Variants in ADGRL3 observed in about 807,000 individuals in gnomAD.
ADGRL3 encodes calcium-independent alpha-latrotoxin receptor 3.
A neutral mutation model predicts 153.5 loss-of-function variants in ADGRL3; 62 were observed. The observed-to-expected ratio is 0.40, with a 90% CI of 0.33 to 0.50. The LOEUF (loss-of-function observed/expected upper bound fraction) is 0.50. Ranked by LOEUF, ADGRL3 falls within the 20% of genes least tolerant of loss-of-function variation. The pLI, the probability that ADGRL3 is intolerant of heterozygous loss-of-function variation, is 0.47. For missense variants in ADGRL3, 1,641 were observed against 1,859.4 expected (o/e 0.88, Z 2.16); for synonymous variants, 710 against 672.5 (o/e 1.06, Z -0.86).
chr4:61,315,109 T>C (rs917816441), intron 1 of ADGRL3, among the ~76,000 whole-genome samples: 3 of 152,222 alleles, frequency 2.0e-5, no homozygotes, highest in Admixed American at 6.5e-5. Flanking sequence ...GAATAAGAGA[T>C]AGTGAAATTT....
chr4:61,366,112 A>C (rs953743820), intron 1 of ADGRL3, among the ~76,000 whole-genome samples: 1 of 150,228 alleles, frequency 6.7e-6, no homozygotes, highest in African/African-American at 2.4e-5. Context: ...GTTTTAGGGA[A>C]AATTTCTGGC....
chr4:61,223,542 G>A (rs1577901928), intron 1 of ADGRL3, among the ~76,000 whole-genome samples: 2 of 152,160 alleles, frequency 1.3e-5, no homozygotes, highest in South Asian at 2.1e-4. Flanking sequence ...GGTGTGTGTC[G>A]GTCAAATGCC....
Position 61,419,214 on chromosome 4 carries a change from T to A in ADGRL3, c.-174+36025T>A, listed in dbSNP as rs11947948. On this transcript the variant is annotated intron_variant, in intron 2 of 26. Transcript: ENST00000683033. Reference sequence around the variant, plus strand: ...AATGAAACCAATTTTACTATATGCTTATTAATGGAAGTGAGTTAAGTTCCT... The same window carrying A: ...AATGAAACCAATTTTACTATATGCTAATTAATGGAAGTGAGTTAAGTTCCT... Among the ~76,000 whole-genome samples, 1,323 of 150,986 alleles carry A rather than the reference T, an allele frequency of 8.8e-3. 99 individuals are homozygous for A. Among genetic ancestry groups the A allele is most frequent in the African/African-American group, 0.031 (1,246 of 40,784 alleles).
At chr4:61,288,074 A>C (rs1050251966) in intron 1 of ADGRL3, among the ~76,000 whole-genome samples, 7 of 151,946 alleles carry the variant, frequency 4.6e-5, no homozygotes, top group Admixed American at 4.6e-4. Flanking sequence ...ACAGTATCTA[A>C]TACAATTCTT....
At chr4:61,948,026 G>T (rs2098932659) in intron 16 of ADGRL3, 74 bp from the exon 17 acceptor site, 1 of 1,254,556 alleles carries the variant, frequency 8.0e-7, no homozygotes, top group Non-Finnish European at 1.1e-6. Flanking sequence ...TGTATTATAT[G>T]TAAAGAAAAT....
At chr4:61,461,127 C>T (rs570692151) in intron 2 of ADGRL3, among the ~76,000 whole-genome samples, 24 of 152,118 alleles carry the variant, frequency 1.6e-4, no homozygotes, top group East Asian at 7.8e-4. Context: ...TTCATTACCA[C>T]GAGAACAGTA....
intron 1 of ADGRL3, among the ~76,000 whole-genome samples, chr4:61,362,626 A>G (rs781425555): frequency 6.6e-6 from 1 of 152,164 alleles, no homozygotes; most frequent in Non-Finnish European, 1.5e-5. Flanking sequence ...TGAAAGAGAT[A>G]ATAAATGTAC....
chr4:61,416,930 A>C, intron 2 of ADGRL3, among the ~76,000 whole-genome samples: 1 of 152,150 alleles, frequency 6.6e-6, no homozygotes, highest in Non-Finnish European at 1.5e-5. Flanking sequence ...CTGAAACTAC[A>C]TGGTCCCATC....
chr4:61,514,645 G>A (rs1167220164), intron 3 of ADGRL3, among the ~76,000 whole-genome samples: 3 of 152,066 alleles, frequency 2.0e-5, no homozygotes, highest in Non-Finnish European at 2.9e-5. Flanking sequence ...TTAAATGAGT[G>A]TATGAACTAC....
intron 9 of ADGRL3, among the ~76,000 whole-genome samples, chr4:61,876,688 A>G (rs1197001620): frequency 6.6e-6 from 1 of 151,966 alleles, no homozygotes; most frequent in South Asian, 2.1e-4. Context: ...GAAGAAGACA[A>G]TAGTGAGTTT....
chr4:61,774,436 G>A (rs868576008), intron 8 of ADGRL3, among the ~76,000 whole-genome samples: 7 of 150,272 alleles, frequency 4.7e-5, no homozygotes, highest in South Asian at 4.3e-4. Context: ...AAAATAATAC[G>A]ATTTTTTAGA....
At chr4:61,724,615 A>C (rs1169167376) in intron 6 of ADGRL3, among the ~76,000 whole-genome samples, 3 of 152,202 alleles carry the variant, frequency 2.0e-5, no homozygotes, top group Non-Finnish European at 4.4e-5. Flanking sequence ...TCAGTGATGC[A>C]TGGGTATTAT....
chr4:61,447,799 T>C (rs562943697), intron 2 of ADGRL3, among the ~76,000 whole-genome samples: 53 of 152,336 alleles, frequency 3.5e-4, no homozygotes, highest in African/African-American at 1.1e-3. Context: ...CCAAACAGTT[T>C]AAGTCCATTC....
intron 2 of ADGRL3, among the ~76,000 whole-genome samples, chr4:61,440,837 A>G (rs773734341): frequency 4.6e-5 from 7 of 152,214 alleles, no homozygotes; most frequent in Non-Finnish European, 1.0e-4. Flanking sequence ...CAACAATAAT[A>G]ACAGAATTAC....
chr4:61,465,781 T>C (rs2097874476), intron 2 of ADGRL3, among the ~76,000 whole-genome samples: 2 of 40,960 alleles, frequency 4.9e-5, no homozygotes, highest in African/African-American at 1.0e-4. Context: ...ATATATATCT[T>C]ATATGGAATA....
chr4:61,237,683 T>A (rs1424574356), intron 1 of ADGRL3, among the ~76,000 whole-genome samples: 3 of 152,190 alleles, frequency 2.0e-5, no homozygotes, highest in Non-Finnish European at 2.9e-5. Flanking sequence ...TCTTCTGCAG[T>A]TATTAGTATT....
chr4:61,395,967 G>A (rs1223301376), intron 2 of ADGRL3, among the ~76,000 whole-genome samples: 2 of 151,770 alleles, frequency 1.3e-5, no homozygotes, highest in Non-Finnish European at 1.5e-5. Context: ...AATAATGAAT[G>A]AATGGAGTCT....
intron 6 of ADGRL3, among the ~76,000 whole-genome samples, chr4:61,690,817 T>C (rs975508532): frequency 3.9e-5 from 6 of 152,272 alleles, no homozygotes; most frequent in Admixed American, 3.9e-4. Context: ...TTTGGTCTTG[T>C]CCTGCTCTGT....
intron 3 of ADGRL3, among the ~76,000 whole-genome samples, chr4:61,503,870 T>C (rs553834429): frequency 2.0e-5 from 3 of 151,284 alleles, no homozygotes; most frequent in South Asian, 4.1e-4. Context: ...CCATTTTTCA[T>C]TTTTTTGTTT....
Sources: gnomAD v4.1 joint callset for allele counts (sites outside exome capture counted in the v4.1 genomes callset) on GRCh38, gnomAD v4.1.1 for gene constraint, MANE v1.5 for transcripts, NCBI Gene and HGNC (gene_info 2026-07-23, HGNC 2026-07-21) for gene names.